The following ADGRA3 variants were observed in gnomAD, a reference collection of about 807,000 sequenced individuals.
ADGRA3 encodes the protein adhesion G protein-coupled receptor A3, also known as G-protein coupled receptor 125.
ADGRA3 carries 56 observed loss-of-function variants against 119.8 expected under a neutral mutation model. That is an observed-to-expected ratio of 0.47 (90% CI 0.38 to 0.58). The LOEUF (loss-of-function observed/expected upper bound fraction) is 0.58. ADGRA3 is among the 20% of genes least tolerant of loss of function. ADGRA3 has a pLI of 0.00. For missense variants in ADGRA3, 1,516 were observed against 1,649.0 expected (o/e 0.92, Z 1.40); for synonymous variants, 607 against 623.8 (o/e 0.97, Z 0.40).
chr4:22,450,651 G>T (rs929570681), intron 4 of ADGRA3, among the ~76,000 whole-genome samples: 12 of 152,028 alleles, frequency 7.9e-5, no homozygotes, highest in Non-Finnish European at 1.8e-4. Flanking sequence ...AGAGCTGCAT[G>T]TGTATATGAT....
In ADGRA3 at chr4:22,515,681, C is replaced by G. The variant is rs924625895; in HGVS notation, c.104G>C (p.Gly35Ala). ...LALLGGGGGG[G>A]AAALPAGCKH... Reference sequence around the variant, plus strand: ...GCAGCCGGCGGGCAGCGCCGCGGCGCCGCCGCCGCCGCCGCCTCCCAGCAG... The same window carrying G: ...GCAGCCGGCGGGCAGCGCCGCGGCGGCGCCGCCGCCGCCGCCTCCCAGCAG... The change falls in exon 1 of 19, where the codon GGC becomes GCC. Residue 35 changes from glycine to alanine, a missense_variant. Coordinates refer to ENST00000334304, the MANE Select transcript of ADGRA3 (RefSeq NM_145290.4). 3 of 1,088,786 alleles carry G rather than the reference C, an allele frequency of 2.8e-6. No homozygotes were observed. The highest frequency in any genetic ancestry group is 3.3e-6 in the Non-Finnish European group (3 of 898,068). The allele number at this position is 1,088,786 out of a possible 1,614,324, so 67.4% of individuals were successfully genotyped here.
intron 1 of ADGRA3, among the ~76,000 whole-genome samples, chr4:22,479,402 G>T (rs1334732207): frequency 6.6e-6 from 1 of 151,876 alleles, no homozygotes; most frequent in Non-Finnish European, 1.5e-5. Flanking sequence ...GGCGGAGCTT[G>T]CAGTGAGCCG....
At chr4:22,493,236 G>A (rs567629587) in intron 1 of ADGRA3, among the ~76,000 whole-genome samples, 29 of 152,120 alleles carry the variant, frequency 1.9e-4, no homozygotes, top group Non-Finnish European at 3.4e-4. Context: ...AAAGCACTGG[G>A]ATTACAGGCA....
chr4:22,438,729 G>T (rs1408232905), intron 7 of ADGRA3, among the ~76,000 whole-genome samples: 2 of 152,230 alleles, frequency 1.3e-5, no homozygotes, highest in African/African-American at 4.8e-5. Flanking sequence ...TACAGAACAG[G>T]AATGGCAAGT....
chr4:22,422,589 C>CGAAA (rs1409192919), intron 11 of ADGRA3, among the ~76,000 whole-genome samples: 1 of 113,354 alleles, frequency 8.8e-6, no homozygotes, highest in African/African-American at 3.2e-5. Flanking sequence ...TGAAAGAAAT[C>CGAAA]TGTCATTTTG....
chr4:22,461,813 T>A lies in ADGRA3; in HGVS notation c.330-5A>T. ...ATAAGATTGTTTCGGAGGTCCCTGT[T>A]AAAAATAAAATAAAAGTTATTCACA... is the stretch of plus-strand genomic sequence containing the variant. On this transcript the variant is annotated splice_polypyrimidine_tract_variant and splice_region_variant and intron_variant, in intron 2 of 18. Coordinates refer to ENST00000334304, the MANE Select transcript of ADGRA3 (RefSeq NM_145290.4). The A allele has an allele frequency of 6.3e-7, 1 of 1,590,220 alleles. No homozygotes were observed. Among genetic ancestry groups the A allele is most frequent in the Non-Finnish European group, 8.6e-7 (1 of 1,160,552 alleles).
At chr4:22,398,564 G>T (rs569493517) in intron 16 of ADGRA3, among the ~76,000 whole-genome samples, 5 of 151,732 alleles carry the variant, frequency 3.3e-5, no homozygotes, top group Admixed American at 2.6e-4. Context: ...TCACTCCCTT[G>T]CTTTCTCTTT....
chr4:22,441,966 T>C (rs1716632354), intron 7 of ADGRA3, among the ~76,000 whole-genome samples: 1 of 152,134 alleles, frequency 6.6e-6, no homozygotes, highest in South Asian at 2.1e-4. Flanking sequence ...TTTGCTGTGA[T>C]GTTACCCTAG....
chr4:22,478,829 T>C (rs1331606073), intron 1 of ADGRA3, among the ~76,000 whole-genome samples: 2 of 152,112 alleles, frequency 1.3e-5, no homozygotes, highest in Non-Finnish European at 1.5e-5. Flanking sequence ...GAAAAGCAGA[T>C]TTACAAGCCA....
rs572591405 is a variant in ADGRA3 at position 22,413,309 on chromosome 4, G to C, written c.2105C>G (p.Ala702Gly). 3 of 1,614,062 alleles carry C rather than the reference G, an allele frequency of 1.9e-6. No individual in the cohort carries two copies. The South Asian group carries it at 3.3e-5, about 18-fold the overall frequency. Residue 702 changes from alanine to glycine, a missense_variant, in exon 14 of 19, where the codon GCC becomes GGC. By Grantham distance (60) the Ala-to-Gly change is moderately conservative (BLOSUM62 0). Around this residue, in one of 2 missense-constraint regions of ADGRA3, gnomAD observed 1,088 missense variants for 1,107.1 expected, o/e 0.98. Coordinates refer to ENST00000334304, the MANE Select transcript of ADGRA3 (RefSeq NM_145290.4). ...RIAHGADAVAARWDFDLLNGQ... is the reference protein window; with the variant it reads ...RIAHGADAVAGRWDFDLLNGQ... ...GTTCAGCAAATCGAAATCCCACCGG[G>C]CTGCAACAGCATCTGCTCCATGTGC...
chr4:22,399,599 C>G (rs1363223221), intron 16 of ADGRA3, among the ~76,000 whole-genome samples: 1 of 152,010 alleles, frequency 6.6e-6, no homozygotes, highest in Non-Finnish European at 1.5e-5. Flanking sequence ...TCTTCCCCAG[C>G]TGACAAGGCA....
intron 11 of ADGRA3, 150 bp from the exon 12 acceptor site, chr4:22,421,239 C>CA: frequency 4.6e-6 from 2 of 436,872 alleles, no homozygotes; most frequent in South Asian, 6.8e-5. Context: ...AGATAACTGG[C>CA]AGAATAAAAA....
intron 2 of ADGRA3, among the ~76,000 whole-genome samples, chr4:22,468,311 TA>T (rs1577366627): frequency 2.0e-5 from 3 of 152,174 alleles, no homozygotes; most frequent in East Asian, 3.9e-4. Context: ...GATGCTGAAT[TA>T]CCTTAGCGGC....
chr4:22,413,176 C>T lies in ADGRA3; in HGVS notation c.2232+6G>A. Reference sequence around the variant, plus strand: ...TGTTTATGCATAAAGTTAACAACTGCCATACCATTAAAACTGCATAGTTAC... The same window carrying T: ...TGTTTATGCATAAAGTTAACAACTGTCATACCATTAAAACTGCATAGTTAC... On this transcript the variant is annotated splice_donor_region_variant and intron_variant, in intron 14 of 18. Coordinates refer to ENST00000334304, the MANE Select transcript of ADGRA3 (RefSeq NM_145290.4). 1.3e-6 allele frequency: 2 copies of T among 1,597,966 alleles called. No homozygotes were observed. Among genetic ancestry groups the T allele is most frequent in the Non-Finnish European group, 1.7e-6 (2 of 1,165,492 alleles).
At chr4:22,515,445 C>A in intron 1 of ADGRA3, 83 bp downstream of exon 1, 1 of 1,497,944 alleles carries the variant, frequency 6.7e-7, no homozygotes. Flanking sequence ...GCGTGGGTGC[C>A]GGCTGGACCC....
At chr4:22,482,684 C>G (rs1718293749) in intron 1 of ADGRA3, among the ~76,000 whole-genome samples, 2 of 151,986 alleles carry the variant, frequency 1.3e-5, no homozygotes, top group Non-Finnish European at 2.9e-5. Flanking sequence ...AAAACAAAAC[C>G]CATGATGTAG....
intron 1 of ADGRA3, among the ~76,000 whole-genome samples, chr4:22,475,483 T>C (rs1718006337): frequency 6.6e-6 from 1 of 152,158 alleles, no homozygotes; most frequent in Admixed American, 6.5e-5. Flanking sequence ...TTCCCAGCAC[T>C]TTGGGAGGCC....
chr4:22,487,080 C>T (rs1718454578), intron 1 of ADGRA3, among the ~76,000 whole-genome samples: 1 of 152,198 alleles, frequency 6.6e-6, no homozygotes, highest in East Asian at 1.9e-4. Context: ...AGGTCAACAG[C>T]ATCTGCTCCA....
At chr4:22,467,858 GA>G (rs1271597294) in intron 2 of ADGRA3, among the ~76,000 whole-genome samples, 2 of 151,896 alleles carry the variant, frequency 1.3e-5, no homozygotes, top group Non-Finnish European at 2.9e-5. Context: ...AAGCATAAAT[GA>G]AAAAAGCACA....
Sources: allele counts gnomAD v4.1 joint callset (sites outside exome capture counted in the v4.1 genomes callset), GRCh38; gene constraint gnomAD v4.1.1; regional missense constraint gnomAD v4.1.1; transcripts MANE v1.5; gene names NCBI Gene and HGNC (gene_info 2026-07-23, HGNC 2026-07-21).